SLC22A25: variants seen among roughly 807,000 people sequenced by gnomAD.
SLC22A25 encodes the protein solute carrier family 22 member 25, also known as MGI:2442751, MGI:2385316, MGI:3042283, MGI:3645714, MGI:3605624, MGI:2442750.
A neutral mutation model predicts 45.9 loss-of-function variants in SLC22A25; 44 were observed. That is an observed-to-expected ratio of 0.96 (90% CI 0.75 to 1.23). The LOEUF (loss-of-function observed/expected upper bound fraction) is 1.23, where lower values mean the gene tolerates loss of function less well. SLC22A25 is among the 50% of genes most tolerant of loss of function. SLC22A25 has a pLI of 0.00. For synonymous variants in SLC22A25, 283 were observed against 238.6 expected, an observed-to-expected ratio of 1.19 and a Z score of -1.72; for missense variants, 800 against 666.4, an observed-to-expected ratio of 1.20 and a Z score of -2.21.
chr11:63,177,348 TTGAGTG>T (rs1233357335), intron 9 of SLC22A25, among the ~76,000 whole-genome samples: 1 of 76,964 alleles, frequency 1.3e-5, no homozygotes, highest in Non-Finnish European at 2.6e-5. Flanking sequence ...CATTCATCAT[TTGAGTG>T]TGTGTGTGTG....
At chr11:63,208,212 C>G (rs1369426763) in intron 7 of SLC22A25, 2 of 152,392 alleles carry the variant, frequency 1.3e-5, no homozygotes, top group Non-Finnish European at 2.9e-5. Context: ...TTCCCCCATC[C>G]TGGCAGCCTG....
chr11:63,187,544 C>T (rs1024703080), intron 7 of SLC22A25, among the ~76,000 whole-genome samples: 2 of 152,172 alleles, frequency 1.3e-5, no homozygotes, highest in African/African-American at 2.4e-5. Context: ...ATTTCCTTCT[C>T]CTGCCTGATT....
chr11:63,219,899 A>C, intron 5 of SLC22A25: 1 of 1,285,732 alleles, frequency 7.8e-7, no homozygotes, highest in South Asian at 1.2e-5. Context: ...TGTTACTTTT[A>C]CTGTCATACA....
chr11:63,236,667 C>T (rs999960230), intron 3 of SLC22A25, among the ~76,000 whole-genome samples: 4 of 152,166 alleles, frequency 2.6e-5, no homozygotes, highest in Admixed American at 6.5e-5. Flanking sequence ...CACTGTCCCG[C>T]ACCCACTGTC....
chr11:63,234,153 C>T (rs2090121897), intron 3 of SLC22A25, among the ~76,000 whole-genome samples: 2 of 152,132 alleles, frequency 1.3e-5, no homozygotes, highest in South Asian at 4.1e-4. Context: ...TCTATTAGGT[C>T]CGCTTGGTGC....
At chr11:63,218,882 C>G (rs2089786021) in intron 5 of SLC22A25, among the ~76,000 whole-genome samples, 1 of 152,190 alleles carries the variant, frequency 6.6e-6, no homozygotes. Context: ...AAGGTCCTAG[C>G]TACTGCCAGA....
At position 63,213,964 on chromosome 11, in the gene SLC22A25, C is replaced by T. The variant is rs146871559; in HGVS notation, c.830+3350G>A. On this transcript the variant is annotated intron_variant, in intron 7 of 11. Coordinates refer to ENST00000306494, the MANE Select transcript of SLC22A25 (RefSeq NM_199352.6). ...ACTCAGAAGGCTGAATTAAAAGCCT[C>T]AGAAGGAGGAGTACATGGAAAATTT... Among the ~76,000 whole-genome samples the T allele has an allele frequency of 2.6e-5, 4 of 152,288 alleles. No individual in the cohort carries two copies. In the East Asian group the frequency reaches 7.7e-4, roughly 29 times the overall value.
intron 1 of SLC22A25, among the ~76,000 whole-genome samples, chr11:63,241,828 G>T (rs1000405756): frequency 6.6e-6 from 1 of 152,122 alleles, no homozygotes; most frequent in African/African-American, 2.4e-5. Flanking sequence ...TGGGCAACAG[G>T]GTCTCTGAAC....
intron 7 of SLC22A25, among the ~76,000 whole-genome samples, chr11:63,197,234 TCAAA>T (rs1361475395): frequency 2.6e-5 from 4 of 152,144 alleles, no homozygotes; most frequent in South Asian, 2.1e-4. Context: ...ATGACTTTCT[TCAAA>T]CAATCAGAAG....
In SLC22A25 at chr11:63,212,122, C is replaced by T. The variant is rs564737452; in HGVS notation, c.830+5192G>A. The stretch of plus-strand genomic sequence containing the variant: ...GCAAATCAAAACCACAATGAGATAC[C>T]GTCTCACACCAGTTAGAATGGCGAT... On this transcript the variant is annotated intron_variant, in intron 7 of 11. Transcript: ENST00000306494. Among the ~76,000 whole-genome samples the T allele has an allele frequency of 7.8e-3, 1,180 of 152,138 alleles. 14 individuals are homozygous for T. Among genetic ancestry groups the T allele is most frequent in the African/African-American group, 0.027 (1,136 of 41,486 alleles).
Position 63,217,395 on chromosome 11 carries a change from C to A in SLC22A25, c.749G>T (p.Ser250Ile). 1 of 1,613,986 alleles carries A rather than the reference C, an allele frequency of 6.2e-7. No homozygotes were observed. The highest frequency in any genetic ancestry group is 8.5e-7 in the Non-Finnish European group (1 of 1,179,992). ...CTGGTCTCGAATGACAAAAGCCAGG[C>A]TTCCCAGGGTTATATGTCCAATACT... ...AASIGHITLG[S>I]LAFVIRDQCI... Residue 250 changes from serine to isoleucine, a missense_variant, in exon 7 of 12, where the codon AGC (serine) becomes ATC (isoleucine). By Grantham distance (142) the Ser-to-Ile change is moderately radical. Transcript: ENST00000306494.
chr11:63,205,714 C>CTTTCTTTG (rs2089382813), intron 7 of SLC22A25, among the ~76,000 whole-genome samples: 1 of 152,194 alleles, frequency 6.6e-6, no homozygotes, highest in Non-Finnish European at 1.5e-5. Flanking sequence ...CAGCCGAATT[C>CTTTCTTTG]TACCAGAGGT....
intron 7 of SLC22A25, among the ~76,000 whole-genome samples, chr11:63,207,106 A>G (rs1235241903): frequency 6.6e-6 from 1 of 152,026 alleles, no homozygotes; most frequent in African/African-American, 2.4e-5. Context: ...TCCACCTTAT[A>G]CAAAAATTAA....
chr11:63,190,029 T>C (rs538703440), intron 7 of SLC22A25, among the ~76,000 whole-genome samples: 3,317 of 152,256 alleles, frequency 0.022, 122 homozygotes, highest in African/African-American at 0.075. Flanking sequence ...TGTCTTGGAG[T>C]TGCTCTTCTT....
intron 5 of SLC22A25, among the ~76,000 whole-genome samples, chr11:63,222,888 G>A (rs1590898335): frequency 6.6e-6 from 1 of 151,628 alleles, no homozygotes; most frequent in Non-Finnish European, 1.5e-5. Context: ...ATGATCATCT[G>A]GTTTCTGTCC....
chr11:63,221,733 T>A (rs895177683), intron 5 of SLC22A25, among the ~76,000 whole-genome samples: 5 of 152,168 alleles, frequency 3.3e-5, no homozygotes, highest in Non-Finnish European at 5.9e-5. Flanking sequence ...GTTTACCCAA[T>A]GTTTTCTTGC....
chr11:63,203,573 C>T (rs567590789), intron 7 of SLC22A25, among the ~76,000 whole-genome samples: 49 of 151,358 alleles, frequency 3.2e-4, no homozygotes, highest in Non-Finnish European at 1.0e-4. Context: ...TGAAGATCAA[C>T]TTAATGAAAT....
At chr11:63,200,298 T>C (rs111317333) in intron 7 of SLC22A25, among the ~76,000 whole-genome samples, 5,310 of 148,802 alleles carry the variant, frequency 0.036, 319 homozygotes, top group African/African-American at 0.12. Context: ...ATTGAAAAGC[T>C]TATCCAGCAT....
At chr11:63,234,815 T>A (rs1337568492) in intron 3 of SLC22A25, among the ~76,000 whole-genome samples, 1 of 152,222 alleles carries the variant, frequency 6.6e-6, no homozygotes, top group African/African-American at 2.4e-5. Context: ...CTTCAGGAGC[T>A]CTTTTAGGGC....
Sources: allele counts gnomAD v4.1 joint callset (sites outside exome capture counted in the v4.1 genomes callset), GRCh38; gene constraint gnomAD v4.1.1; transcripts MANE v1.5; gene names NCBI Gene and HGNC (gene_info 2026-07-23, HGNC 2026-07-21).